Variants in CTNNA3 observed in about 807,000 individuals in gnomAD.
The protein encoded by CTNNA3 is catenin alpha 3, also known as catenin alpha-3.
CTNNA3 carries 76 observed loss-of-function variants against 95.7 expected under a neutral mutation model. The ratio of observed to expected loss-of-function variants is 0.79; its 90% CI spans 0.66 to 0.96. The LOEUF is 0.96. Among genes scored for constraint, CTNNA3 ranks in the 40% least tolerant of loss-of-function variants. CTNNA3 has a pLI of 0.00. For missense variants in CTNNA3, 1,191 were observed against 1,089.8 expected (o/e 1.09, Z -1.31); for synonymous variants, 431 against 374.4 (o/e 1.15, Z -1.74).
intron 12 of CTNNA3, among the ~76,000 whole-genome samples, chr10:66,289,695 C>A (rs2091647273): frequency 6.6e-6 from 1 of 151,952 alleles, no homozygotes; most frequent in African/African-American, 2.4e-5. Context: ...CTCCTAATTT[C>A]TTTTTCTTTT....
chr10:66,184,596 C>T (rs1312000337), intron 13 of CTNNA3, among the ~76,000 whole-genome samples: 3 of 152,136 alleles, frequency 2.0e-5, no homozygotes, highest in African/African-American at 4.8e-5. Context: ...CTATAAATCA[C>T]GTTTCCATAG....
intron 7 of CTNNA3, among the ~76,000 whole-genome samples, chr10:66,841,605 G>A (rs747650592): frequency 2.0e-5 from 3 of 152,106 alleles, no homozygotes; most frequent in Non-Finnish European, 2.9e-5. Context: ...AGAGTAGAGG[G>A]ATGGCTCAGC....
chr10:67,427,628 T>TA (rs1416780107), intron 5 of CTNNA3, among the ~76,000 whole-genome samples: 1 of 152,064 alleles, frequency 6.6e-6, no homozygotes, highest in East Asian at 1.9e-4. Flanking sequence ...ATAATTCTTA[T>TA]ATAAAGTAAA....
chr10:66,863,537 A>AAATGAGGATTT (rs1844041726), intron 7 of CTNNA3, among the ~76,000 whole-genome samples: 2 of 152,144 alleles, frequency 1.3e-5, no homozygotes, highest in Admixed American at 1.3e-4. Flanking sequence ...GCTGATGAGG[A>AAATGAGGATTT]GCTGGAGAAG....
intron 11 of CTNNA3, among the ~76,000 whole-genome samples, chr10:66,484,080 T>C (rs1839639976): frequency 6.6e-6 from 1 of 152,084 alleles, no homozygotes; most frequent in Non-Finnish European, 1.5e-5. Context: ...TTAGCACCCT[T>C]GGAGACCAAG....
intron 9 of CTNNA3, among the ~76,000 whole-genome samples, chr10:66,706,199 A>G (rs1051771995): frequency 1.5e-4 from 23 of 151,908 alleles, no homozygotes; most frequent in African/African-American, 5.1e-4. Flanking sequence ...ATCCAAATAA[A>G]CCAGTTGTCC....
chr10:67,326,010 T>C (rs1355949195), intron 5 of CTNNA3, among the ~76,000 whole-genome samples: 1 of 152,186 alleles, frequency 6.6e-6, no homozygotes, highest in Non-Finnish European at 1.5e-5. Context: ...CTTTGTTGGC[T>C]GGCTTAACAT....
chr10:66,375,813 C>T (rs910718880), intron 12 of CTNNA3, among the ~76,000 whole-genome samples: 1 of 152,140 alleles, frequency 6.6e-6, no homozygotes, highest in Non-Finnish European at 1.5e-5. Flanking sequence ...TTTCTTTCAA[C>T]TGTCTCATTT....
At chr10:66,829,750 T>A (rs959211902) in intron 7 of CTNNA3, among the ~76,000 whole-genome samples, 3 of 150,798 alleles carry the variant, frequency 2.0e-5, no homozygotes, top group African/African-American at 7.3e-5. Flanking sequence ...AAACACTGCC[T>A]TAGACTACAG....
intron 12 of CTNNA3, among the ~76,000 whole-genome samples, chr10:66,288,550 A>G (rs139875924): frequency 2.6e-5 from 4 of 152,244 alleles, no homozygotes; most frequent in Admixed American, 2.6e-4. Flanking sequence ...ATACGCTGCT[A>G]TTTAACCTTA....
At chr10:66,680,634 A>G (rs1398303588) in intron 9 of CTNNA3, among the ~76,000 whole-genome samples, 1 of 152,116 alleles carries the variant, frequency 6.6e-6, no homozygotes, top group East Asian at 1.9e-4. Flanking sequence ...AATGTCCACA[A>G]CTTTCTTCAA....
rs148682356 is a variant in CTNNA3, at chr10:67,257,768, G to A, written c.580-37898C>T. The stretch of plus-strand genomic sequence containing the variant: ...TTTTCTTTAATTAAAAACAATAATG[G>A]AAAATAATATTACAGATAATATAAA... On this transcript the variant is annotated intron_variant, in intron 5 of 17. Coordinates refer to ENST00000433211, the MANE Select transcript of CTNNA3 (RefSeq NM_013266.4). Among the ~76,000 whole-genome samples, 1,361 of 152,146 alleles carry A rather than the reference G, an allele frequency of 8.9e-3. 13 individuals are homozygous for A. Among genetic ancestry groups the A allele is most frequent in the African/African-American group, 0.019 (807 of 41,520 alleles).
rs143107016 is a variant in CTNNA3 at position 66,944,817 on chromosome 10, C to T, written c.1048-169293G>A. ...GCAGGCATGAAAACAACATTAATCT[C>T]CATGTATATGTCCATCAGAGCTCTT... On this transcript the variant is annotated intron_variant, in intron 7 of 17. Coordinates refer to ENST00000433211, the MANE Select transcript of CTNNA3 (RefSeq NM_013266.4). 4.0e-3 allele frequency among the ~76,000 whole-genome samples: 613 copies of T among 152,302 alleles called. 7 individuals carry two copies. Among genetic ancestry groups the T allele is most frequent in the Non-Finnish European group, 5.8e-3 (394 of 68,016 alleles).
In CTNNA3 at chr10:66,555,490, A is replaced by C. The variant is rs544358985; in HGVS notation, c.1375-34717T>G. On this transcript the variant is annotated intron_variant, in intron 10 of 17. Coordinates refer to ENST00000433211, the MANE Select transcript of CTNNA3 (RefSeq NM_013266.4). ...AAATAATCACTGTTACATGAAATTC[A>C]AGTGTAACTGTGCATTCCGTATTTT... 1.4e-3 allele frequency among the ~76,000 whole-genome samples: 207 copies of C among 152,260 alleles called. 1 individual carries two copies. The highest frequency in any genetic ancestry group is 2.5e-3 in the Non-Finnish European group (171 of 67,978).
At chr10:66,077,893 G>T (rs369905403) in intron 14 of CTNNA3, among the ~76,000 whole-genome samples, 1 of 151,478 alleles carries the variant, frequency 6.6e-6, no homozygotes, top group African/African-American at 2.4e-5. Context: ...TATATTGAAG[G>T]GTTGGTAAAT....
At chr10:67,719,562 G>A (rs1224051164) in intron 1 of CTNNA3, among the ~76,000 whole-genome samples, 7 of 152,160 alleles carry the variant, frequency 4.6e-5, no homozygotes, top group African/African-American at 1.7e-4. Flanking sequence ...TATTTACCCA[G>A]TAGTCATTCA....
intron 11 of CTNNA3, among the ~76,000 whole-genome samples, chr10:66,425,123 C>G (rs1233379287): frequency 6.6e-6 from 1 of 151,794 alleles, no homozygotes; most frequent in Non-Finnish European, 1.5e-5. Flanking sequence ...AAAAAATCCT[C>G]TATAGATGTT....
At chr10:67,387,759 T>C (rs375808857) in intron 5 of CTNNA3, among the ~76,000 whole-genome samples, 2 of 152,168 alleles carry the variant, frequency 1.3e-5, no homozygotes, top group African/African-American at 2.4e-5. Flanking sequence ...ACCCCTGACC[T>C]CTGAGCAGCC....
chr10:66,578,169 G>T (rs375390915), intron 10 of CTNNA3, among the ~76,000 whole-genome samples: 1 of 152,060 alleles, frequency 6.6e-6, no homozygotes, highest in African/African-American at 2.4e-5. Flanking sequence ...TTTACTCATA[G>T]ATTTTATACT....
Sources: allele counts gnomAD v4.1 joint callset (sites outside exome capture counted in the v4.1 genomes callset), GRCh38; gene constraint gnomAD v4.1.1; transcripts MANE v1.5; gene names NCBI Gene and HGNC (gene_info 2026-07-23, HGNC 2026-07-21).